REDIC1: variants seen among roughly 807,000 people sequenced by gnomAD.
REDIC1 encodes HEI10 Interacting Protein 1.
At chr12:39,782,968 C>T in the REDIC1 span, among the ~76,000 whole-genome samples, 2 of 151,868 alleles carry the variant, frequency 1.3e-5, no homozygotes, top group Non-Finnish European at 2.9e-5. Context: ...TGTGCTGCAC[C>T]CATTAACTCG....
chr12:39,735,297 G>T, the REDIC1 span, among the ~76,000 whole-genome samples: 2 of 152,114 alleles, frequency 1.3e-5, no homozygotes, highest in African/African-American at 4.8e-5. Flanking sequence ...AGGGCTGAAA[G>T]GAAATTAAAG....
the REDIC1 span, among the ~76,000 whole-genome samples, chr12:39,774,257 A>G: frequency 6.6e-6 from 1 of 152,162 alleles, no homozygotes; most frequent in African/African-American, 2.4e-5. Context: ...TCCCAACCAG[A>G]GATTTAGGAT....
At chr12:39,885,709 T>G in the REDIC1 span, among the ~76,000 whole-genome samples, 1 of 152,284 alleles carries the variant, frequency 6.6e-6, no homozygotes, top group Admixed American at 6.5e-5. Context: ...GAATAAAACA[T>G]GTCTTCCCTT....
chr12:39,758,262 C>CA, the REDIC1 span: 1 of 151,804 alleles, frequency 6.6e-6, no homozygotes, highest in South Asian at 2.1e-4. Flanking sequence ...ACTAAATTGA[C>CA]AGTTTAAGCA....
chr12:39,714,962 A>G, the REDIC1 span, among the ~76,000 whole-genome samples: 1 of 151,800 alleles, frequency 6.6e-6, no homozygotes, highest in African/African-American at 2.4e-5. Flanking sequence ...TTCTGGATAT[A>G]AGTCCTTTGT....
At chr12:39,756,102 G>T in the REDIC1 span, 4 of 151,850 alleles carry the variant, frequency 2.6e-5, no homozygotes, top group Non-Finnish European at 5.9e-5. Context: ...CATCAAATTG[G>T]CTTTACATTA....
chr12:39,712,382 A>C, the REDIC1 span, among the ~76,000 whole-genome samples: 1 of 124,860 alleles, frequency 8.0e-6, no homozygotes, highest in Non-Finnish European at 1.7e-5. Context: ...ATATATACCT[A>C]TATATATACC....
chr12:39,778,090 C>A, the REDIC1 span, among the ~76,000 whole-genome samples: 49 of 152,148 alleles, frequency 3.2e-4, no homozygotes. Context: ...TGTATGCTCC[C>A]CTAGAGGTTT....
the REDIC1 span, among the ~76,000 whole-genome samples, chr12:39,803,757 C>A: frequency 6.6e-6 from 1 of 152,018 alleles, no homozygotes; most frequent in African/African-American, 2.4e-5. Flanking sequence ...ATGTGATGGC[C>A]AGCATGCATC....
At chr12:39,719,938 G>T in the REDIC1 span, among the ~76,000 whole-genome samples, 2 of 151,954 alleles carry the variant, frequency 1.3e-5, no homozygotes, top group African/African-American at 4.8e-5. Flanking sequence ...ACATTTTTCA[G>T]TGTCAATCAG....
At chr12:39,739,235 A>G in the REDIC1 span, among the ~76,000 whole-genome samples, 2 of 152,184 alleles carry the variant, frequency 1.3e-5, no homozygotes, top group Non-Finnish European at 2.9e-5. Context: ...AAATGTGCTT[A>G]ACAATTACTT....
chr12:39,677,866 C>T, the REDIC1 span, among the ~76,000 whole-genome samples: 18 of 152,138 alleles, frequency 1.2e-4, no homozygotes, highest in East Asian at 7.7e-4. Context: ...GAAATCAAGA[C>T]GGAAATCTAA....
At chr12:39,729,427 A>G in the REDIC1 span, among the ~76,000 whole-genome samples, 1 of 152,146 alleles carries the variant, frequency 6.6e-6, no homozygotes, top group African/African-American at 2.4e-5. Context: ...CCCAGTAGGC[A>G]TTCAGGAGCA....
the REDIC1 span, chr12:39,864,699 T>C: frequency 6.3e-7 from 1 of 1,590,316 alleles, no homozygotes; most frequent in African/African-American, 1.4e-5. Flanking sequence ...TTTAAAAAAG[T>C]TAAAAGCAAG....
the REDIC1 span, among the ~76,000 whole-genome samples, chr12:39,803,422 T>A: frequency 0.023 from 3,472 of 152,162 alleles, 58 homozygotes; most frequent in Non-Finnish European, 0.037. Context: ...ACCATAAAAC[T>A]ATCACTTAGG....
chr12:39,670,853 C>T, the REDIC1 span, among the ~76,000 whole-genome samples: 2 of 151,140 alleles, frequency 1.3e-5, no homozygotes, highest in Non-Finnish European at 2.9e-5. Flanking sequence ...TTGTATTTTT[C>T]ATTTCATTCA....
the REDIC1 span, among the ~76,000 whole-genome samples, chr12:39,681,323 G>A: frequency 1.3e-5 from 2 of 152,136 alleles, no homozygotes; most frequent in African/African-American, 4.8e-5. Flanking sequence ...CTCTGGTGGA[G>A]GGTGGAGGAG....
the REDIC1 span, among the ~76,000 whole-genome samples, chr12:39,679,460 G>GA: frequency 6.6e-6 from 1 of 152,028 alleles, no homozygotes; most frequent in African/African-American, 2.4e-5. Flanking sequence ...ATATCTACAA[G>GA]AAAAACTAGA....
the REDIC1 span, chr12:39,682,802 C>A: frequency 1.2e-6 from 2 of 1,612,548 alleles, no homozygotes; most frequent in Non-Finnish European, 1.7e-6. Flanking sequence ...AACCTTCTAT[C>A]AGAGAATTGT....
Sources: gnomAD v4.1 joint callset for allele counts (sites outside exome capture counted in the v4.1 genomes callset) on GRCh38, gnomAD v4.1.1 for gene constraint, MANE v1.5 for transcripts, NCBI Gene and HGNC (gene_info 2026-07-23, HGNC 2026-07-21) for gene names.